Variants in RBFOX1 observed in about 807,000 individuals in gnomAD.
The protein encoded by RBFOX1 is RNA binding fox-1 homolog 1, also known as RNA binding protein fox-1 homolog 1.
A neutral mutation model predicts 57.7 loss-of-function variants in RBFOX1; 8 were observed. That is an observed-to-expected ratio of 0.14 (90% CI 0.08 to 0.25). The LOEUF is 0.25. Ranked by LOEUF, RBFOX1 falls within the 10% of genes least tolerant of loss-of-function variation. The pLI, the probability that RBFOX1 is intolerant of heterozygous loss-of-function variation, is 1.00. For synonymous variants in RBFOX1, 326 were observed against 222.4 expected, an observed-to-expected ratio of 1.47 and a Z score of -4.15; for missense variants, 611 against 548.5, an observed-to-expected ratio of 1.11 and a Z score of -1.14.
At chr16:6,276,651 T>G (rs1327000059) in intron 1 of RBFOX1, among the ~76,000 whole-genome samples, 1 of 152,100 alleles carries the variant, frequency 6.6e-6, no homozygotes, top group Non-Finnish European at 1.5e-5. Context: ...CTGAGAGTCG[T>G]TTTTTAATGT....
chr16:7,445,547 T>C (rs906747578), intron 4 of RBFOX1, among the ~76,000 whole-genome samples: 3 of 152,230 alleles, frequency 2.0e-5, no homozygotes, highest in African/African-American at 7.2e-5. Context: ...AATCAAGGGA[T>C]TGGGGTCATT....
intron 4 of RBFOX1, among the ~76,000 whole-genome samples, chr16:5,920,742 G>A (rs1023472497): frequency 1.3e-5 from 2 of 152,192 alleles, no homozygotes; most frequent in Non-Finnish European, 2.9e-5. Flanking sequence ...GTCGGTGTGG[G>A]ATCTGAACTG....
chr16:5,411,364 G>A (rs189103707), intron 1 of RBFOX1, among the ~76,000 whole-genome samples: 2 of 152,162 alleles, frequency 1.3e-5, no homozygotes, highest in Non-Finnish European at 2.9e-5. Context: ...AGGATGCTGA[G>A]CTGTTGGCTG....
chr16:6,698,478 C>T (rs1407240175), intron 3 of RBFOX1, among the ~76,000 whole-genome samples: 2 of 152,306 alleles, frequency 1.3e-5, no homozygotes, highest in South Asian at 4.1e-4. Flanking sequence ...GTCATTATCT[C>T]TTCCTGGGCT....
chr16:6,876,396 G>C (rs12920700), intron 3 of RBFOX1, among the ~76,000 whole-genome samples: 1 of 151,886 alleles, frequency 6.6e-6, no homozygotes, highest in Non-Finnish European at 1.5e-5. Context: ...ATGAGCCTAT[G>C]TTCTATGAAG....
chr16:5,795,802 T>G (rs889340828), intron 3 of RBFOX1, among the ~76,000 whole-genome samples: 1 of 152,236 alleles, frequency 6.6e-6, no homozygotes, highest in African/African-American at 2.4e-5. Flanking sequence ...TCTCCCCTTC[T>G]GTTTACATTC....
At position 7,708,483 on chromosome 16, in the gene RBFOX1, C is replaced by T. The variant is rs79982597; in HGVS notation, c.996-573C>T. On this transcript the variant is annotated intron_variant, in intron 14 of 15. Transcript: ENST00000550418. ...AAGTTCTGGAATAATAGGATCAAAA[C>T]CAAATCAGTCTGATTGAATGGGAAT... is the stretch of plus-strand genomic sequence containing the variant. Among the ~76,000 whole-genome samples the T allele has an allele frequency of 3.7e-3, 538 of 143,818 alleles. 4 individuals are homozygous for T. Among genetic ancestry groups the T allele is most frequent in the African/African-American group, 0.013 (517 of 40,880 alleles). The allele number at this position is 143,818 out of a possible 152,430, so 94.4% of individuals were successfully genotyped here. A position where few individuals can be genotyped will look rare whatever the true frequency, so the allele number is the denominator to read the frequency against.
intron 10 of RBFOX1, among the ~76,000 whole-genome samples, chr16:7,612,180 GC>G (rs1357198404): frequency 4.6e-5 from 7 of 151,986 alleles, no homozygotes; most frequent in African/African-American, 1.7e-4. Flanking sequence ...AATTAGCCGG[GC>G]GTGGTGGTGG....
Position 7,314,583 on chromosome 16 carries a change from G to T in RBFOX1, c.28-203564G>T, listed in dbSNP as rs189031467. The stretch of plus-strand genomic sequence containing the variant: ...TAGGTGTTTCAGGGCTGATTGGTTT[G>T]TTTCACAGTGGCATCACGGTCCTAT... On this transcript the variant is annotated intron_variant, in intron 4 of 15. Transcript: ENST00000550418. Among the ~76,000 whole-genome samples the T allele has an allele frequency of 4.0e-3, 613 of 152,306 alleles. 5 individuals are homozygous for T. Among genetic ancestry groups the T allele is most frequent in the Non-Finnish European group, 3.0e-3 (202 of 68,036 alleles).
At chr16:6,893,323 A>G (rs1427902019) in intron 3 of RBFOX1, among the ~76,000 whole-genome samples, 1 of 152,196 alleles carries the variant, frequency 6.6e-6, no homozygotes, top group Admixed American at 6.5e-5. Context: ...CCTAGAGATC[A>G]AACTCATATA....
chr16:6,035,696 C>A (rs540977080), intron 1 of RBFOX1, among the ~76,000 whole-genome samples: 2 of 152,152 alleles, frequency 1.3e-5, no homozygotes, highest in East Asian at 1.9e-4. Context: ...CCCTCATCAG[C>A]GTCACCTTCT....
chr16:7,008,539 C>G (rs752102132), intron 3 of RBFOX1, among the ~76,000 whole-genome samples: 1 of 148,946 alleles, frequency 6.7e-6, no homozygotes, highest in African/African-American at 2.5e-5. Flanking sequence ...GACTTTGTCT[C>G]AAAAAAAAAG....
intron 4 of RBFOX1, among the ~76,000 whole-genome samples, chr16:7,214,671 G>C (rs185245961): frequency 4.6e-5 from 7 of 152,116 alleles, no homozygotes; most frequent in African/African-American, 1.7e-4. Context: ...TCTGAGCCCT[G>C]CACATAAAAT....
chr16:7,292,531 T>TAC (rs35731542), intron 4 of RBFOX1, among the ~76,000 whole-genome samples: 85,311 of 138,932 alleles, frequency 0.61, 28,224 homozygotes, highest in East Asian at 0.82. Context: ...ACTATATGTA[T>TAC]ACACACACAC....
chr16:5,604,781 G>C (rs1008890349), downstream of RBFOX1, among the ~76,000 whole-genome samples: 2 of 152,044 alleles, frequency 1.3e-5, no homozygotes, highest in Non-Finnish European at 2.9e-5. Flanking sequence ...TTGCAGAAAA[G>C]GGGCTCATGG....
intron 4 of RBFOX1, among the ~76,000 whole-genome samples, chr16:7,274,659 G>T (rs1053710413): frequency 2.1e-5 from 3 of 142,664 alleles, no homozygotes; most frequent in Non-Finnish European, 4.7e-5. Context: ...TTATTTATTT[G>T]AGATAGAGCA....
intron 1 of RBFOX1, among the ~76,000 whole-genome samples, chr16:5,413,699 A>G (rs1232066866): frequency 6.6e-6 from 1 of 152,238 alleles, no homozygotes; most frequent in Non-Finnish European, 1.5e-5. Flanking sequence ...GTGGTCAACA[A>G]TTAAAGCAAG....
intron 2 of RBFOX1, among the ~76,000 whole-genome samples, chr16:6,564,740 G>A (rs182477357): frequency 1.6e-3 from 237 of 152,246 alleles, no homozygotes; most frequent in Admixed American, 4.8e-3. Flanking sequence ...GGTGGTGATG[G>A]ATGTGTTAAT....
chr16:5,856,230 T>TAC lies in RBFOX1; in HGVS notation c.319-11072_319-11071insCA, dbSNP rs1491313683. ...ATACATATATATGTATATATATATG[T>TAC]ATATATATGTGTATATATATGTATA... On this transcript the variant is annotated intron_variant, in intron 3 of 19. Transcript: ENST00000641259. 6.0e-3 allele frequency among the ~76,000 whole-genome samples: 387 copies of TAC among 65,004 alleles called. 15 individuals are homozygous for TAC. The highest frequency in any genetic ancestry group is 0.023 in the African/African-American group (365 of 15,878). 42.6% of individuals were successfully genotyped at this position (65,004 alleles called of 152,430 possible).
Sources: gnomAD v4.1 joint callset for allele counts (sites outside exome capture counted in the v4.1 genomes callset) on GRCh38, gnomAD v4.1.1 for gene constraint, MANE v1.5 for transcripts, NCBI Gene and HGNC (gene_info 2026-07-23, HGNC 2026-07-21) for gene names.